The following SHTN1 variants were observed in gnomAD, a reference collection of about 807,000 sequenced individuals.
SHTN1 encodes shootin 1.
Under a neutral mutation model 83.1 loss-of-function variants are expected in SHTN1, and 42 were observed. That is an observed-to-expected ratio of 0.51 (90% CI 0.39 to 0.65). The LOEUF (loss-of-function observed/expected upper bound fraction) is 0.65, where lower values mean the gene tolerates loss of function less well. SHTN1 is among the 30% of genes least tolerant of loss of function. The pLI is 0.00. For synonymous variants in SHTN1, 224 were observed against 247.7 expected (o/e 0.90, Z 0.90); for missense variants, 622 against 737.8 (o/e 0.84, Z 1.82).
intron 15 of SHTN1, 66 bp downstream of exon 15, chr10:116,906,561 A>T: frequency 6.8e-7 from 1 of 1,479,088 alleles, no homozygotes; most frequent in Non-Finnish European, 9.1e-7. Context: ...TTCATGTAAA[A>T]AGAGACTTAG....
intron 1 of SHTN1, among the ~76,000 whole-genome samples, chr10:117,072,988 T>C (rs1380165478): frequency 2.0e-5 from 3 of 151,654 alleles, no homozygotes; most frequent in Non-Finnish European, 4.4e-5. Flanking sequence ...GGGAGAAAAA[T>C]TTAAGGAAAT....
intron 2 of SHTN1, 46 bp from the exon 3 acceptor site, chr10:116,968,758 T>G (rs1166623940): frequency 6.6e-7 from 1 of 1,518,980 alleles, no homozygotes. Flanking sequence ...ATCATAAATT[T>G]TAAGTTTGAA....
intron 1 of SHTN1, among the ~76,000 whole-genome samples, chr10:117,057,580 T>A (rs1852842553): frequency 6.6e-6 from 1 of 152,122 alleles, no homozygotes; most frequent in South Asian, 2.1e-4. Context: ...TTTTCCCCTT[T>A]GGGAGCCAGG....
At chr10:117,071,518 A>G (rs948532872) in intron 1 of SHTN1, among the ~76,000 whole-genome samples, 1 of 152,238 alleles carries the variant, frequency 6.6e-6, no homozygotes, top group Non-Finnish European at 1.5e-5. Context: ...CCAAGATCAC[A>G]TAGCTAATGA....
chr10:116,986,798 G>A (rs1377403775), intron 1 of SHTN1, among the ~76,000 whole-genome samples: 4 of 143,614 alleles, frequency 2.8e-5, no homozygotes, highest in East Asian at 2.0e-4. Flanking sequence ...GTGCGATCTC[G>A]GCTCACTGCA....
At chr10:117,063,028 A>G (rs1852925441) in intron 1 of SHTN1, among the ~76,000 whole-genome samples, 1 of 152,204 alleles carries the variant, frequency 6.6e-6, no homozygotes, top group African/African-American at 2.4e-5. Flanking sequence ...CCATAAATGG[A>G]GATGGCTTTG....
At chr10:116,932,592 C>T (rs1031698077) in intron 9 of SHTN1, among the ~76,000 whole-genome samples, 8 of 152,144 alleles carry the variant, frequency 5.3e-5, no homozygotes, top group Non-Finnish European at 1.2e-4. Flanking sequence ...CAATTGTAGG[C>T]TAATGTTAAG....
intron 1 of SHTN1, among the ~76,000 whole-genome samples, chr10:116,996,751 A>G (rs1851641222): frequency 6.6e-6 from 1 of 152,258 alleles, no homozygotes; most frequent in South Asian, 2.1e-4. Context: ...ATGACTGTTT[A>G]CCTAAACTAA....
chr10:117,095,686 T>C (rs1006364106), intron 1 of SHTN1, among the ~76,000 whole-genome samples: 3 of 152,194 alleles, frequency 2.0e-5, no homozygotes, highest in Admixed American at 1.3e-4. Flanking sequence ...AAAAGTTTCA[T>C]TTTTTTCCTT....
At chr10:117,022,303 A>C (rs1263108460) in intron 2 of SHTN1, among the ~76,000 whole-genome samples, 2 of 152,230 alleles carry the variant, frequency 1.3e-5, no homozygotes, top group Non-Finnish European at 2.9e-5. Context: ...TGCAGTGCTA[A>C]TATCTAAACC....
chr10:116,881,987 C>A lies in SHTN1; in HGVS notation c.*4357G>T. On this transcript the variant is annotated 3_prime_UTR_variant, in exon 17 of 17. Transcript: ENST00000355371. ...CAACTCCACACTCAGTCAAACACCC[C>A]ATCCTTTACCAATCAGAATATCTCT... The A allele has an allele frequency of 4.7e-6, 1 of 214,260 alleles. No individual in the cohort carries two copies. Among genetic ancestry groups the A allele is most frequent in the Non-Finnish European group, 9.2e-6 (1 of 109,164 alleles). The allele number at this position is 214,260 out of a possible 1,614,324, so 13.3% of individuals were successfully genotyped here.
chr10:117,075,773 A>G (rs1853142900), intron 1 of SHTN1, among the ~76,000 whole-genome samples: 1 of 152,218 alleles, frequency 6.6e-6, no homozygotes, highest in Non-Finnish European at 1.5e-5. Context: ...AATAACATTA[A>G]ATAGAGTAGA....
intron 1 of SHTN1, among the ~76,000 whole-genome samples, chr10:117,075,117 T>TC (rs1284413556): frequency 6.6e-6 from 1 of 152,238 alleles, no homozygotes; most frequent in Admixed American, 6.5e-5. Flanking sequence ...CATTTATCTT[T>TC]CCCCTGGCTT....
At position 116,883,469 on chromosome 10, in the gene SHTN1, C is replaced by T. The variant is rs945523864; in HGVS notation, c.*2875G>A. ...AGTCTTTGAAGGTCAGTGATAATGA[C>T]AGATGGTTATCCATTCTCGACAACT... On this transcript the variant is annotated 3_prime_UTR_variant, in exon 17 of 17. Transcript: ENST00000355371. 2.6e-4 allele frequency: 40 copies of T among 152,284 alleles called. No individual in the cohort carries two copies. Among genetic ancestry groups the T allele is most frequent in the African/African-American group, 8.7e-4 (36 of 41,562 alleles). 9.4% of individuals were successfully genotyped at this position (152,284 alleles called of 1,614,324 possible). A position where few individuals can be genotyped will look rare whatever the true frequency, so the allele number is the denominator to read the frequency against.
upstream of SHTN1, chr10:117,005,635 G>T (rs1851992316): frequency 7.2e-6 from 7 of 977,542 alleles, no homozygotes; most frequent in Non-Finnish European, 8.5e-6. Context: ...CTGGGGGCGC[G>T]GTTGCAAAAC....
At chr10:116,920,023 G>T (rs991891694) in intron 12 of SHTN1, among the ~76,000 whole-genome samples, 4 of 152,170 alleles carry the variant, frequency 2.6e-5, no homozygotes. Context: ...ATCTGCTCAG[G>T]GGGAGAGAGG....
At chr10:117,078,756 T>G (rs1004920932) in intron 1 of SHTN1, among the ~76,000 whole-genome samples, 2 of 152,028 alleles carry the variant, frequency 1.3e-5, no homozygotes, top group Non-Finnish European at 2.9e-5. Context: ...AGTAAAAACA[T>G]GTAGGTAAAT....
At chr10:117,021,100 C>T (rs770147448) in intron 2 of SHTN1, among the ~76,000 whole-genome samples, 1 of 152,168 alleles carries the variant, frequency 6.6e-6, no homozygotes, top group Non-Finnish European at 1.5e-5. Flanking sequence ...TGGCCAGGCG[C>T]GGTGGCTCAC....
intron 2 of SHTN1, among the ~76,000 whole-genome samples, chr10:116,977,301 T>C (rs1183683959): frequency 6.6e-6 from 1 of 152,226 alleles, no homozygotes; most frequent in Non-Finnish European, 1.5e-5. Context: ...ACTGTTTGCT[T>C]TCCCTTCTCT....
Sources: gnomAD v4.1 joint callset for allele counts (sites outside exome capture counted in the v4.1 genomes callset) on GRCh38, gnomAD v4.1.1 for gene constraint, MANE v1.5 for transcripts, NCBI Gene and HGNC (gene_info 2026-07-23, HGNC 2026-07-21) for gene names.